SCFD2: variants seen among roughly 807,000 people sequenced by gnomAD.
SCFD2 encodes the protein sec1 family domain-containing protein 2.
A neutral mutation model predicts 58.9 loss-of-function variants in SCFD2; 54 were observed. That is an observed-to-expected ratio of 0.92 (90% confidence interval 0.74 to 1.15). SCFD2 has a LOEUF of 1.15. Ranked by LOEUF, SCFD2 falls within the 50% of genes most tolerant of loss-of-function variation. The pLI is 0.00. For synonymous variants in SCFD2, 321 were observed against 335.9 expected (o/e 0.96, Z 0.49); for missense variants, 805 against 836.6 (o/e 0.96, Z 0.47).
At chr4:52,962,376 C>T (rs984502590) in intron 5 of SCFD2, among the ~76,000 whole-genome samples, 6 of 152,180 alleles carry the variant, frequency 3.9e-5, no homozygotes, top group Admixed American at 2.6e-4. Flanking sequence ...ACACATTTTA[C>T]TCCTGGTACC....
intron 5 of SCFD2, among the ~76,000 whole-genome samples, chr4:53,100,214 G>C (rs1196890899): frequency 1.3e-5 from 2 of 152,074 alleles, no homozygotes; most frequent in East Asian, 1.9e-4. Flanking sequence ...GGTTGAACTT[G>C]GGCAAGTTAT....
chr4:53,332,780 T>C (rs1733533381), intron 2 of SCFD2, among the ~76,000 whole-genome samples: 2 of 151,734 alleles, frequency 1.3e-5, no homozygotes, highest in Admixed American at 1.3e-4. Context: ...ATAAACGGTA[T>C]TCAATTAGGA....
intron 5 of SCFD2, among the ~76,000 whole-genome samples, chr4:52,936,970 T>G (rs1351730957): frequency 6.6e-6 from 1 of 152,222 alleles, no homozygotes; most frequent in Admixed American, 6.5e-5. Context: ...ACTGAAGGTA[T>G]AGTGTCTGTG....
rs914452584 is a variant in SCFD2 at position 53,045,208 on chromosome 4, G to A, written c.1561+100125C>T. ...GATTTTACTGTTTCCTTTGTACGAG[G>A]TTTTACTAATATTGTTGCTTTTGAT... On this transcript the variant is annotated intron_variant, in intron 5 of 8. Coordinates refer to ENST00000401642, the MANE Select transcript of SCFD2 (RefSeq NM_152540.4). Among the ~76,000 whole-genome samples, 3 of 152,074 alleles carry A rather than the reference G, an allele frequency of 2.0e-5. 1 individual carries two copies. Among genetic ancestry groups the A allele is most frequent in the South Asian group, 4.1e-4 (2 of 4,822 alleles).
chr4:53,258,128 A>T (rs1366237486), intron 4 of SCFD2, among the ~76,000 whole-genome samples: 1 of 152,162 alleles, frequency 6.6e-6, no homozygotes, highest in Admixed American at 6.5e-5. Context: ...CATCTTCCTG[A>T]CTGCCAACCT....
At chr4:53,225,620 T>C (rs191897807) in intron 4 of SCFD2, among the ~76,000 whole-genome samples, 2 of 152,360 alleles carry the variant, frequency 1.3e-5, no homozygotes, top group Admixed American at 1.3e-4. Context: ...GTTTTCTATG[T>C]TATTGCCAAA....
At chr4:53,219,176 G>A (rs1374647189) in intron 4 of SCFD2, among the ~76,000 whole-genome samples, 4 of 152,200 alleles carry the variant, frequency 2.6e-5, no homozygotes, top group Admixed American at 2.6e-4. Flanking sequence ...GTCAAACAGG[G>A]ACATTAAGTC....
intron 4 of SCFD2, among the ~76,000 whole-genome samples, chr4:53,219,341 C>T (rs901984891): frequency 2.5e-4 from 38 of 152,308 alleles, no homozygotes; most frequent in African/African-American, 3.4e-4. Flanking sequence ...CAATGGCGGG[C>T]GCCCCTCCCC....
intron 4 of SCFD2, among the ~76,000 whole-genome samples, chr4:53,215,617 C>G (rs1464750275): frequency 6.6e-6 from 1 of 152,082 alleles, no homozygotes; most frequent in African/African-American, 2.4e-5. Flanking sequence ...TTCCTCTTTT[C>G]CTAACTGAAT....
At chr4:53,327,004 G>GAA (rs112109042) in intron 2 of SCFD2, among the ~76,000 whole-genome samples, 21 of 122,340 alleles carry the variant, frequency 1.7e-4, no homozygotes, top group South Asian at 1.2e-3. Context: ...GTCCAAATAA[G>GAA]AAAAAAAAAA....
At chr4:52,880,406 A>G (rs1718580611) in intron 8 of SCFD2, among the ~76,000 whole-genome samples, 1 of 151,626 alleles carries the variant, frequency 6.6e-6, no homozygotes, top group Non-Finnish European at 1.5e-5. Context: ...CACTTGAGGT[A>G]GGAGTTCAAG....
chr4:52,953,589 C>T (rs1392515816), intron 5 of SCFD2, among the ~76,000 whole-genome samples: 1 of 152,152 alleles, frequency 6.6e-6, no homozygotes, highest in Admixed American at 6.5e-5. Context: ...ATTCAGTTTC[C>T]TTATTCAGGA....
intron 8 of SCFD2, among the ~76,000 whole-genome samples, chr4:52,881,705 C>T (rs1264934192): frequency 6.6e-6 from 1 of 152,126 alleles, no homozygotes; most frequent in East Asian, 1.9e-4. Flanking sequence ...ATACAAAAGA[C>T]AAAGTGGTTT....
intron 5 of SCFD2, among the ~76,000 whole-genome samples, chr4:53,059,269 G>T (rs1259487124): frequency 1.3e-5 from 2 of 152,142 alleles, no homozygotes; most frequent in Non-Finnish European, 2.9e-5. Flanking sequence ...AAAGAGAGGT[G>T]TCATTAGCCC....
chr4:53,055,079 A>C (rs1723285911), intron 5 of SCFD2, among the ~76,000 whole-genome samples: 1 of 152,308 alleles, frequency 6.6e-6, no homozygotes, highest in Non-Finnish European at 1.5e-5. Flanking sequence ...AATATCAGTA[A>C]TAACACCTAA....
intron 5 of SCFD2, among the ~76,000 whole-genome samples, chr4:53,140,586 G>A (rs1347103692): frequency 6.6e-6 from 1 of 151,634 alleles, no homozygotes; most frequent in Non-Finnish European, 1.5e-5. Context: ...TAAAAATAGG[G>A]AGGTATGGCA....
intron 5 of SCFD2, among the ~76,000 whole-genome samples, chr4:52,996,962 A>C (rs1362364482): frequency 6.6e-6 from 1 of 152,242 alleles, no homozygotes; most frequent in Non-Finnish European, 1.5e-5. Flanking sequence ...GCATGTGTGC[A>C]TCTAAAATAC....
chr4:52,995,637 C>T (rs904125638), intron 5 of SCFD2, among the ~76,000 whole-genome samples: 2 of 152,158 alleles, frequency 1.3e-5, no homozygotes, highest in Non-Finnish European at 2.9e-5. Context: ...CACAATAAAC[C>T]TTTGTTGAAG....
At position 52,889,241 on chromosome 4, in the gene SCFD2, A is replaced by G. The variant is rs373109001; in HGVS notation, c.1843-3375T>C. Among the ~76,000 whole-genome samples the G allele has an allele frequency of 5.9e-5, 9 of 152,370 alleles. No homozygotes were observed. The East Asian group carries it at 1.3e-3, about 23-fold the overall frequency. ...CTGCCAAGTATGTTTTCTAAAATAC[A>G]AATATTTATTATTGAAAATAGCAAA... On this transcript the variant is annotated intron_variant, in intron 7 of 8. Coordinates refer to ENST00000401642, the MANE Select transcript of SCFD2 (RefSeq NM_152540.4).
Sources: gnomAD v4.1 joint callset for allele counts (sites outside exome capture counted in the v4.1 genomes callset) on GRCh38, gnomAD v4.1.1 for gene constraint, MANE v1.5 for transcripts, NCBI Gene and HGNC (gene_info 2026-07-23, HGNC 2026-07-21) for gene names.